The following PRKCZ variants were observed in gnomAD, a reference collection of about 807,000 sequenced individuals.
The protein encoded by PRKCZ is protein kinase C zeta.
A neutral mutation model predicts 79.5 loss-of-function variants in PRKCZ; 33 were observed. The observed-to-expected ratio is 0.41, with a 90% CI of 0.31 to 0.55. The LOEUF is 0.55. PRKCZ is among the 20% of genes least tolerant of loss of function. The probability of loss-of-function intolerance (pLI) is 0.19; values close to 1 mark genes in which losing one functional copy is unlikely to be tolerated. For missense variants in PRKCZ, 578 were observed against 813.5 expected (o/e 0.71, Z 3.52); for synonymous variants, 342 against 320.9 (o/e 1.07, Z -0.70).
chr1:2,085,351 G>A lies in PRKCZ; in HGVS notation c.334+25760G>A, dbSNP rs72636374. Among the ~76,000 whole-genome samples, 777 of 152,360 alleles carry A rather than the reference G, an allele frequency of 5.1e-3. 3 individuals carry two copies. The highest frequency in any genetic ancestry group is 7.4e-3 in the Non-Finnish European group (504 of 68,042). On this transcript the variant is annotated intron_variant, in intron 4 of 17. Transcript: ENST00000378567. ...CAGCAGCTTTGTGCCCTGTGTTACC[G>A]GATCTTCAGAATGCGCCTCCAGCCT...
At chr1:2,060,219 G>A (rs1436658105) in intron 4 of PRKCZ, among the ~76,000 whole-genome samples, 1 of 152,258 alleles carries the variant, frequency 6.6e-6, no homozygotes, top group South Asian at 2.1e-4. Flanking sequence ...TGTTCGTTGT[G>A]TGGGCAGGAG....
chr1:2,155,798 A>G (rs544951071), intron 9 of PRKCZ, among the ~76,000 whole-genome samples, 197 bp from the exon 10 acceptor site: 21 of 151,530 alleles, frequency 1.4e-4, no homozygotes, highest in East Asian at 3.9e-4. Flanking sequence ...AATGATGATG[A>G]TGGTGGTGGT....
At position 2,165,613 on chromosome 1, in the gene PRKCZ, G is replaced by A. The variant is rs1203120741; in HGVS notation, c.975-3905G>A. Among the ~76,000 whole-genome samples, 1 of 152,224 alleles carries A rather than the reference G, an allele frequency of 6.6e-6. No individual in the cohort carries two copies. The highest frequency in any genetic ancestry group is 6.5e-5 in the Admixed American group (1 of 15,280). On this transcript the variant is annotated intron_variant, in intron 10 of 17. Coordinates refer to ENST00000378567, the MANE Select transcript of PRKCZ (RefSeq NM_002744.6). The surrounding 1 kb of genome is among the most constrained non-coding windows in gnomAD (Gnocchi z 4.1). ...CCTTTGTGGGCCATGCGGCCTCTGT[G>A]GCAACTATGCGTTCTAAAACAGAAG...
At chr1:2,138,075 G>A (rs1205081947) in intron 5 of PRKCZ, among the ~76,000 whole-genome samples, 1 of 152,210 alleles carries the variant, frequency 6.6e-6, no homozygotes, top group Non-Finnish European at 1.5e-5. Context: ...GCCGCTCCAT[G>A]TAGTGCTCAC....
At chr1:2,138,661 C>A (rs3128297) in intron 5 of PRKCZ, among the ~76,000 whole-genome samples, 1 of 152,072 alleles carries the variant, frequency 6.6e-6, no homozygotes, top group Non-Finnish European at 1.5e-5. Context: ...CAGGGCCCGG[C>A]GCAGTGGCTC....
rs58233626 is a variant in PRKCZ at position 2,117,998 on chromosome 1, C to CCTTTTTTTTTTTTTTTTTTTTTTTTT, written c.335-17264_335-17263insCTTTTTTTTTTTTTTTTTTTTTTTTT. 1.2e-4 allele frequency among the ~76,000 whole-genome samples: 8 copies of CCTTTTTTTTTTTTTTTTTTTTTTTTT among 65,058 alleles called. 4 individuals carry two copies. The highest frequency in any genetic ancestry group is 5.4e-5 in the Non-Finnish European group (2 of 36,704). The allele number at this position is 65,058 out of a possible 152,430, so 42.7% of individuals were successfully genotyped here. A position where few individuals can be genotyped will look rare whatever the true frequency, so the allele number is the denominator to read the frequency against. On this transcript the variant is annotated intron_variant, in intron 4 of 17. Coordinates refer to ENST00000378567, the MANE Select transcript of PRKCZ (RefSeq NM_002744.6). ...TATGAGAGAGATTAGCCTATTATTT[C>CCTTTTTTTTTTTTTTTTTTTTTTTTT]TTTTTTTTTTTTTTTTGGAGTCTCA...
chr1:2,168,523 G>T lies in PRKCZ; in HGVS notation c.975-995G>T, dbSNP rs1194914195. On this transcript the variant is annotated intron_variant, in intron 10 of 17. Coordinates refer to ENST00000378567, the MANE Select transcript of PRKCZ (RefSeq NM_002744.6). The surrounding 1 kb of genome is among the most constrained non-coding windows in gnomAD (Gnocchi z 4.7). ...ATTTTTAGGAGTTTGTTTCCAATCA[G>T]AAACTTCACAGATGATTTGCAGCCA... 6.6e-6 allele frequency among the ~76,000 whole-genome samples: 1 copy of T among 152,208 alleles called. No individual in the cohort carries two copies. Among genetic ancestry groups the T allele is most frequent in the African/African-American group, 2.4e-5 (1 of 41,440 alleles).
intron 4 of PRKCZ, among the ~76,000 whole-genome samples, chr1:2,096,968 C>G (rs1666635415): frequency 6.6e-6 from 1 of 152,232 alleles, no homozygotes; most frequent in Admixed American, 6.5e-5. Context: ...CTGGACACGG[C>G]CCTGTGGTGT....
chr1:2,169,125 C>T (rs1189061354), intron 10 of PRKCZ: 2 of 457,818 alleles, frequency 4.4e-6, no homozygotes, highest in Non-Finnish European at 8.8e-6. Context: ...GCGGTGCTGT[C>T]CCCATGCAAG....
At chr1:2,155,848 G>A (rs750818269) in intron 9 of PRKCZ, 147 bp from the exon 10 acceptor site, 1 of 666,016 alleles carries the variant, frequency 1.5e-6, no homozygotes, top group Non-Finnish European at 2.7e-6. Context: ...TGGTGGTAAT[G>A]CAGTTCCTAA....
chr1:2,077,194 AGGAGAGTTTACACGCGCTCTGGT>A (rs1290477319), intron 4 of PRKCZ, among the ~76,000 whole-genome samples: 1 of 152,230 alleles, frequency 6.6e-6, no homozygotes, highest in Non-Finnish European at 1.5e-5. Flanking sequence ...TCGGGCACAC[AGGAGAGTTTACACGCGCTCTGGT>A]GGGTGGAAGG....
intron 3 of PRKCZ, among the ~76,000 whole-genome samples, chr1:2,058,306 ATTTT>A (rs35722361): frequency 2.4e-5 from 3 of 125,338 alleles, no homozygotes. Context: ...CCCGGCCCCA[ATTTT>A]TTTTTTTTTT....
intron 4 of PRKCZ, among the ~76,000 whole-genome samples, chr1:2,105,400 G>C (rs557647222): frequency 6.6e-6 from 1 of 152,128 alleles, no homozygotes. Flanking sequence ...GTCACGTTAG[G>C]CCTTATTTAT....
intron 4 of PRKCZ, among the ~76,000 whole-genome samples, chr1:2,092,260 G>A (rs1178370374): frequency 6.6e-6 from 1 of 152,008 alleles, no homozygotes; most frequent in African/African-American, 2.4e-5. Flanking sequence ...AGGAGGCCGG[G>A]AACCCTGCCC....
intron 4 of PRKCZ, among the ~76,000 whole-genome samples, chr1:2,119,058 C>T (rs1427835466): frequency 1.3e-5 from 1 of 79,342 alleles, no homozygotes. Flanking sequence ...ATTCCACTTT[C>T]CTCCCTTTAT....
In PRKCZ at chr1:2,114,026, T is replaced by TTG. The variant is rs541405779; in HGVS notation, c.335-21227_335-21226dup. 4.6e-5 allele frequency among the ~76,000 whole-genome samples: 7 copies of TTG among 151,938 alleles called. No individual in the cohort carries two copies. In the South Asian group the frequency reaches 1.2e-3, roughly 27 times the overall value. The stretch of plus-strand genomic sequence containing the variant: ...TGGGGGAGGGAGAGCGGGCGCCATG[T>TTG]TGTGTGTGTGGTGCGTGTGGCGCGT... On this transcript the variant is annotated intron_variant, in intron 4 of 17. Transcript: ENST00000378567.
intron 5 of PRKCZ, chr1:2,142,665 G>T (rs12026349): frequency 0.1 from 17,215 of 169,058 alleles, 959 homozygotes; most frequent in African/African-American, 0.14. Flanking sequence ...TGCAGAGGAT[G>T]TGGAGTCGGC....
intron 10 of PRKCZ, among the ~76,000 whole-genome samples, chr1:2,160,176 G>A (rs989755330): frequency 2.0e-5 from 3 of 152,056 alleles, no homozygotes; most frequent in African/African-American, 7.3e-5. Context: ...TGAGACACTT[G>A]AGTAAGCTCT....
chr1:2,065,001 G>GT (rs1446383842), intron 4 of PRKCZ, among the ~76,000 whole-genome samples: 1 of 152,172 alleles, frequency 6.6e-6, no homozygotes, highest in Non-Finnish European at 1.5e-5. Flanking sequence ...GTTTCTGTTT[G>GT]TTTATGTTTT....
Sources: allele counts gnomAD v4.1 joint callset (sites outside exome capture counted in the v4.1 genomes callset), GRCh38; gene constraint gnomAD v4.1.1; non-coding constraint Gnocchi (gnomAD v3.1); transcripts MANE v1.5; gene names NCBI Gene and HGNC (gene_info 2026-07-23, HGNC 2026-07-21).